MKX: variants seen among roughly 807,000 people sequenced by gnomAD.
MKX encodes mohawk homeobox.
Under a neutral mutation model 36.0 loss-of-function variants are expected in MKX, and 13 were observed. The ratio of observed to expected loss-of-function variants is 0.36; its 90% CI spans 0.24 to 0.57. MKX has a LOEUF of 0.57. Ranked by LOEUF, MKX falls within the 20% of genes least tolerant of loss-of-function variation. The pLI is 0.79. For synonymous variants in MKX, 176 were observed against 178.3 expected (o/e 0.99, Z 0.10); for missense variants, 458 against 456.4 (o/e 1.00, Z -0.03).
chr10:27,726,727 T>TTTA lies in MKX; in HGVS notation c.838+7728_838+7729insTAA, dbSNP rs9299862. 5.4e-3 allele frequency among the ~76,000 whole-genome samples: 822 copies of TTTA among 151,130 alleles called. 10 individuals carry two copies. The highest frequency in any genetic ancestry group is 0.018 in the African/African-American group (747 of 41,222). On this transcript the variant is annotated intron_variant, in intron 5 of 6. Coordinates refer to ENST00000419761, the MANE Select transcript of MKX (RefSeq NM_173576.3). Reference sequence around the variant, plus strand: ...CTTCATTGTTTAATTTTTTTTTTTTTACTTTACATTTTTCCTCTTTTTAAA... The same window carrying TTTA: ...CTTCATTGTTTAATTTTTTTTTTTTTTTAACTTTACATTTTTCCTCTTTTTAAA...
intron 5 of MKX, among the ~76,000 whole-genome samples, chr10:27,711,471 C>CTT (rs60709908): frequency 7.6e-4 from 26 of 34,150 alleles, no homozygotes; most frequent in African/African-American, 3.7e-3. Flanking sequence ...TTCTTTCTTT[C>CTT]TTTCTTTCTT....
intron 5 of MKX, among the ~76,000 whole-genome samples, chr10:27,686,977 T>C (rs1051344674): frequency 3.3e-5 from 5 of 150,574 alleles, no homozygotes; most frequent in African/African-American, 9.7e-5. Flanking sequence ...TAGCTCCTGC[T>C]AGAGAATAAA....
At chr10:27,728,289 C>G (rs1834538246) in intron 5 of MKX, among the ~76,000 whole-genome samples, 2 of 152,232 alleles carry the variant, frequency 1.3e-5, no homozygotes, top group Admixed American at 1.3e-4. Flanking sequence ...CCGAGGCACT[C>G]ACACAGGGCC....
intron 4 of MKX, among the ~76,000 whole-genome samples, 200 bp downstream of exon 4, chr10:27,735,021 T>G (rs777795949): frequency 2.0e-5 from 3 of 152,200 alleles, no homozygotes; most frequent in Non-Finnish European, 4.4e-5. Flanking sequence ...TTCTGACACA[T>G]GGTATATCTA....
intron 5 of MKX, among the ~76,000 whole-genome samples, chr10:27,679,078 T>C (rs183443719): frequency 1.3e-5 from 2 of 150,694 alleles, no homozygotes; most frequent in African/African-American, 2.4e-5. Flanking sequence ...TCCTCTCCAA[T>C]AACAGAAAAA....
chr10:27,716,434 A>AT (rs1427651204), intron 5 of MKX, among the ~76,000 whole-genome samples: 2 of 71,024 alleles, frequency 2.8e-5, no homozygotes, highest in Admixed American at 1.9e-4. Flanking sequence ...AAAAAAAAAA[A>AT]GCAAAAAAAA....
chr10:27,691,460 A>AAT (rs965170644), intron 5 of MKX, among the ~76,000 whole-genome samples: 34 of 152,176 alleles, frequency 2.2e-4, no homozygotes, highest in South Asian at 8.3e-4. Flanking sequence ...TCATAGTAAA[A>AAT]ATATATATAT....
intron 2 of MKX, 74 bp downstream of exon 2, chr10:27,743,154 G>T: frequency 7.5e-7 from 1 of 1,337,454 alleles, no homozygotes; most frequent in Non-Finnish European, 9.7e-7. Flanking sequence ...CGTTGCCACG[G>T]GACCCCGTCA....
rs990288866 is a variant in MKX, at chr10:27,744,512, G to A, written c.-82-1015C>T. ...CTCTGCCTGCCGCGCACCGGCGTCA[G>A]GAGCAAGTCCGCGCGGCCGCGGAGC... On this transcript the variant is annotated intron_variant, in intron 1 of 6. Transcript: ENST00000419761. The surrounding 1 kb of genome is among the most constrained non-coding windows in gnomAD (Gnocchi z 5.6). 6.6e-6 allele frequency among the ~76,000 whole-genome samples: 1 copy of A among 152,098 alleles called. No individual in the cohort carries two copies. Among genetic ancestry groups the A allele is most frequent in the African/African-American group, 2.4e-5 (1 of 41,434 alleles).
At chr10:27,693,028 CCTT>C (rs1254392826) in intron 5 of MKX, among the ~76,000 whole-genome samples, 1 of 152,152 alleles carries the variant, frequency 6.6e-6, no homozygotes, top group African/African-American at 2.4e-5. Context: ...CCTATCTAGG[CCTT>C]CTCATGGCTT....
intron 3 of MKX, among the ~76,000 whole-genome samples, chr10:27,738,688 G>T (rs977685911): frequency 6.6e-6 from 1 of 151,996 alleles, no homozygotes. Flanking sequence ...GAAGCTGGGA[G>T]GGAAAACTAA....
intron 5 of MKX, among the ~76,000 whole-genome samples, chr10:27,714,680 G>A (rs1836932722): frequency 6.6e-6 from 1 of 152,172 alleles, no homozygotes; most frequent in African/African-American, 2.4e-5. Context: ...TGGTTAACAT[G>A]AAATGTAAGA....
At chr10:27,735,640 G>A (rs1185110058) in intron 3 of MKX, among the ~76,000 whole-genome samples, 1 of 152,176 alleles carries the variant, frequency 6.6e-6, no homozygotes, top group Admixed American at 6.5e-5. Flanking sequence ...AGTCCAGTAA[G>A]AGAAGTAGGA....
At chr10:27,727,080 T>G (rs981138801) in intron 5 of MKX, among the ~76,000 whole-genome samples, 1 of 152,338 alleles carries the variant, frequency 6.6e-6, no homozygotes, top group Non-Finnish European at 1.5e-5. Flanking sequence ...GAAAACAATT[T>G]GCCCACATTC....
intron 5 of MKX, among the ~76,000 whole-genome samples, chr10:27,711,493 CTCTTCT>C (rs1333004493): frequency 8.2e-4 from 25 of 30,540 alleles, no homozygotes; most frequent in South Asian, 7.1e-3. Flanking sequence ...CTCTCTCTCT[CTCTTCT>C]TTCCTTCCTT....
intron 3 of MKX, among the ~76,000 whole-genome samples, chr10:27,740,190 G>A (rs1429261538): frequency 6.6e-6 from 1 of 152,140 alleles, no homozygotes; most frequent in Non-Finnish European, 1.5e-5. Flanking sequence ...AATTCCTAAA[G>A]GGAAATTTTA....
Position 27,739,832 on chromosome 10 carries a change from G to C in MKX, c.348+1513C>G, listed in dbSNP as rs11006696. Among the ~76,000 whole-genome samples the C allele has an allele frequency of 2.4e-3, 365 of 152,138 alleles. 1 individual carries two copies. The highest frequency in any genetic ancestry group is 2.3e-3 in the South Asian group (11 of 4,824). ...AATATTCAGATAACTCTATAAATTA[G>C]TGTATTTTAAAAATAAGTAGCATAC... is the stretch of plus-strand genomic sequence containing the variant. On this transcript the variant is annotated intron_variant, in intron 3 of 6. Transcript: ENST00000419761.
intron 5 of MKX, among the ~76,000 whole-genome samples, chr10:27,687,747 G>C (rs901909619): frequency 6.6e-6 from 1 of 152,176 alleles, no homozygotes; most frequent in Non-Finnish European, 1.5e-5. Context: ...GATCTCAAAG[G>C]CTCCATCTTC....
chr10:27,743,492 C>A lies in MKX; in HGVS notation c.-77G>T. Reference sequence around the variant, plus strand: ...CCGCCGGGAGCTCCGCAGCGGGGCTCGGCTTCTAGGAGAGGAAGGTGCATC... The same window carrying A: ...CCGCCGGGAGCTCCGCAGCGGGGCTAGGCTTCTAGGAGAGGAAGGTGCATC... On this transcript the variant is annotated 5_prime_UTR_variant, in exon 2 of 7. Coordinates refer to ENST00000419761, the MANE Select transcript of MKX (RefSeq NM_173576.3). 1 of 1,407,834 alleles carries A rather than the reference C, an allele frequency of 7.1e-7. No individual in the cohort carries two copies. Among genetic ancestry groups the A allele is most frequent in the Admixed American group, 3.2e-5 (1 of 31,202 alleles). 87.2% of individuals were successfully genotyped at this position (1,407,834 alleles called of 1,614,324 possible).
Sources: allele counts gnomAD v4.1 joint callset (sites outside exome capture counted in the v4.1 genomes callset), GRCh38; gene constraint gnomAD v4.1.1; non-coding constraint Gnocchi (gnomAD v3.1); transcripts MANE v1.5; gene names NCBI Gene and HGNC (gene_info 2026-07-23, HGNC 2026-07-21).